The following TEAD1 variants were observed in gnomAD, a reference collection of about 807,000 sequenced individuals.
TEAD1 encodes the protein transcriptional enhancer factor TEF-1.
TEAD1 carries 9 observed loss-of-function variants against 54.9 expected under a neutral mutation model. The observed-to-expected ratio is 0.16, with a 90% CI of 0.10 to 0.29. TEAD1 has a LOEUF of 0.29. Among genes scored for constraint, TEAD1 ranks in the 10% least tolerant of loss-of-function variants. TEAD1 has a pLI of 1.00. For missense variants in TEAD1, 387 were observed against 535.9 expected, an observed-to-expected ratio of 0.72 and a Z score of 2.74; for synonymous variants, 200 against 187.8, an observed-to-expected ratio of 1.07 and a Z score of -0.53.
chr11:12,751,350 A>G (rs2133906955), intron 2 of TEAD1, among the ~76,000 whole-genome samples: 1 of 152,216 alleles, frequency 6.6e-6, no homozygotes, highest in South Asian at 2.1e-4. Flanking sequence ...GATCTCACAA[A>G]TCCTCAAAGG....
At chr11:12,679,149 G>A (rs1382024428) in intron 2 of TEAD1, among the ~76,000 whole-genome samples, 1 of 152,098 alleles carries the variant, frequency 6.6e-6, no homozygotes, top group African/African-American at 2.4e-5. Flanking sequence ...GTGGTGGGGA[G>A]TAGGGGGAAG....
chr11:12,799,428 T>C (rs970661095), intron 3 of TEAD1, among the ~76,000 whole-genome samples: 1 of 152,254 alleles, frequency 6.6e-6, no homozygotes, highest in African/African-American at 2.4e-5. Flanking sequence ...CTTTTATTTC[T>C]ATAAATCATT....
At chr11:12,725,603 C>T (rs946100654) in intron 2 of TEAD1, among the ~76,000 whole-genome samples, 3 of 130,300 alleles carry the variant, frequency 2.3e-5, no homozygotes, top group African/African-American at 6.8e-5. Context: ...TAAAGTATTA[C>T]GTATCAGTTA....
At chr11:12,694,354 G>T (rs182768336) in intron 2 of TEAD1, among the ~76,000 whole-genome samples, 2 of 152,100 alleles carry the variant, frequency 1.3e-5, no homozygotes, top group Admixed American at 1.3e-4. Context: ...CCAAGCTCTG[G>T]CCTGTCTCTT....
chr11:12,854,836 T>C (rs1319376474), intron 3 of TEAD1, among the ~76,000 whole-genome samples: 1 of 151,208 alleles, frequency 6.6e-6, no homozygotes, highest in Non-Finnish European at 1.5e-5. Context: ...GCTCAAGTTA[T>C]CCTCCTGCCT....
intron 3 of TEAD1, among the ~76,000 whole-genome samples, chr11:12,780,450 G>A (rs1162126952): frequency 6.6e-6 from 1 of 151,920 alleles, no homozygotes; most frequent in Non-Finnish European, 1.5e-5. Context: ...CACCACATTG[G>A]CCAGGCTGGT....
At chr11:12,719,051 G>A (rs1944124546) in intron 2 of TEAD1, among the ~76,000 whole-genome samples, 1 of 151,866 alleles carries the variant, frequency 6.6e-6, no homozygotes, top group South Asian at 2.1e-4. Flanking sequence ...TTCAAATGTG[G>A]TTGGTTTCTG....
intron 3 of TEAD1, among the ~76,000 whole-genome samples, chr11:12,780,156 AAAC>A (rs1476291507): frequency 6.6e-6 from 1 of 152,232 alleles, no homozygotes; most frequent in African/African-American, 2.4e-5. Flanking sequence ...TAAAAAAGTA[AAAC>A]AACACTATTA....
intron 3 of TEAD1, among the ~76,000 whole-genome samples, chr11:12,783,689 A>T (rs1055504289): frequency 6.6e-6 from 1 of 152,192 alleles, no homozygotes; most frequent in African/African-American, 2.4e-5. Flanking sequence ...CTTAACCACT[A>T]GGCTGAATTT....
At chr11:12,775,825 CAG>C (rs1945405151) in intron 3 of TEAD1, among the ~76,000 whole-genome samples, 1 of 152,050 alleles carries the variant, frequency 6.6e-6, no homozygotes, top group South Asian at 2.1e-4. Flanking sequence ...CTTTTGGAAT[CAG>C]AAGAAAAAAG....
intron 3 of TEAD1, among the ~76,000 whole-genome samples, chr11:12,770,282 A>G (rs999880972): frequency 1.3e-5 from 2 of 152,188 alleles, no homozygotes; most frequent in South Asian, 2.1e-4. Flanking sequence ...CTCATGTGCA[A>G]TCCGGGTACA....
intron 2 of TEAD1, among the ~76,000 whole-genome samples, chr11:12,756,084 C>A (rs1437156846): frequency 6.6e-6 from 1 of 152,160 alleles, no homozygotes; most frequent in Non-Finnish European, 1.5e-5. Context: ...GAGAATTAAT[C>A]AGGGATTCTC....
chr11:12,840,036 A>G (rs888894227), intron 3 of TEAD1, among the ~76,000 whole-genome samples: 3 of 152,012 alleles, frequency 2.0e-5, no homozygotes, highest in African/African-American at 7.2e-5. Context: ...TCATGAGGTC[A>G]GGAGATCAAG....
chr11:12,677,791 T>C (rs1943128785), intron 2 of TEAD1, among the ~76,000 whole-genome samples: 1 of 152,126 alleles, frequency 6.6e-6, no homozygotes, highest in African/African-American at 2.4e-5. Context: ...TATTTTAAGG[T>C]TGGTTGCTTC....
intron 4 of TEAD1, among the ~76,000 whole-genome samples, chr11:12,864,180 A>T (rs1432610811): frequency 6.6e-6 from 1 of 152,144 alleles, no homozygotes; most frequent in African/African-American, 2.4e-5. Flanking sequence ...AGAGCTCTTA[A>T]TGAGATCAGA....
chr11:12,716,341 G>C (rs1944062005), intron 2 of TEAD1, among the ~76,000 whole-genome samples: 1 of 152,088 alleles, frequency 6.6e-6, no homozygotes, highest in Non-Finnish European at 1.5e-5. Context: ...TTCACGGGGG[G>C]GTTCCTGCAG....
intron 8 of TEAD1, among the ~76,000 whole-genome samples, chr11:12,882,428 C>T (rs750251287): frequency 1.3e-5 from 2 of 152,110 alleles, no homozygotes; most frequent in African/African-American, 4.8e-5. Flanking sequence ...CCCCACAAGG[C>T]GCACCCCCCA....
At chr11:12,772,916 C>T (rs938741184) in intron 3 of TEAD1, among the ~76,000 whole-genome samples, 1 of 152,172 alleles carries the variant, frequency 6.6e-6, no homozygotes, top group Non-Finnish European at 1.5e-5. Context: ...CAGAACAGCT[C>T]CAACACCACA....
At chr11:12,754,263 C>T (rs1944939334) in intron 2 of TEAD1, among the ~76,000 whole-genome samples, 1 of 152,196 alleles carries the variant, frequency 6.6e-6, no homozygotes, top group Non-Finnish European at 1.5e-5. Context: ...TCACTTTTAT[C>T]CAGCATCCCA....
Sources: gnomAD v4.1 joint callset for allele counts (sites outside exome capture counted in the v4.1 genomes callset) on GRCh38, gnomAD v4.1.1 for gene constraint, MANE v1.5 for transcripts, NCBI Gene and HGNC (gene_info 2026-07-23, HGNC 2026-07-21) for gene names.